The following TWIST2 variants were observed in gnomAD, a reference collection of about 807,000 sequenced individuals.
TWIST2 encodes twist family bHLH transcription factor 2.
A neutral mutation model predicts 11.6 loss-of-function variants in TWIST2; 1 was observed. The ratio of observed to expected loss-of-function variants is 0.09; its 90% CI spans 0.03 to 0.41. The LOEUF is 0.41. Ranked by LOEUF, TWIST2 falls within the 10% of genes least tolerant of loss-of-function variation. The pLI is 0.98. For synonymous variants in TWIST2, 87 were observed against 96.6 expected, an observed-to-expected ratio of 0.90 and a Z score of 0.58; for missense variants, 168 against 226.4, an observed-to-expected ratio of 0.74 and a Z score of 1.66.
intron 1 of TWIST2, among the ~76,000 whole-genome samples, chr2:238,888,012 G>A (rs1259368020): frequency 6.6e-6 from 1 of 152,196 alleles, no homozygotes; most frequent in Non-Finnish European, 1.5e-5. Flanking sequence ...CATGTGAAAC[G>A]GGTGGGCCAT....
intron 1 of TWIST2, among the ~76,000 whole-genome samples, chr2:238,865,545 T>A (rs897500971): frequency 2.6e-5 from 4 of 152,268 alleles, no homozygotes; most frequent in African/African-American, 9.6e-5. Context: ...AGCCTCTGGG[T>A]CCAGAAGTGA....
At chr2:238,862,964 T>G (rs1692459369) in intron 1 of TWIST2, among the ~76,000 whole-genome samples, 1 of 152,148 alleles carries the variant, frequency 6.6e-6, no homozygotes, top group African/African-American at 2.4e-5. Context: ...ACGGGTGTGT[T>G]TGTCTGGAGA....
intron 1 of TWIST2, among the ~76,000 whole-genome samples, chr2:238,849,405 G>A (rs926097459): frequency 6.6e-6 from 1 of 152,242 alleles, no homozygotes; most frequent in Non-Finnish European, 1.5e-5. Context: ...GGGTGTGCCC[G>A]AGAAGGGCCC....
intron 1 of TWIST2, among the ~76,000 whole-genome samples, chr2:238,881,392 T>C (rs1435803758): frequency 6.6e-6 from 1 of 151,340 alleles, no homozygotes; most frequent in Non-Finnish European, 1.5e-5. Context: ...TATTAGTTAC[T>C]ATTTATTAGT....
Position 238,864,431 on chromosome 2 carries a change from T to C in TWIST2, c.*35+15698T>C, listed in dbSNP as rs1348268894. 6.6e-6 allele frequency among the ~76,000 whole-genome samples: 1 copy of C among 152,094 alleles called. No individual in the cohort carries two copies. Among genetic ancestry groups the C allele is most frequent in the Non-Finnish European group, 1.5e-5 (1 of 68,022 alleles). ...CAGGAGTGACTCAGAGCCGTGGCTT[T>C]TTGTCCTCTGGCTGTGCAAATAAAC... On this transcript the variant is annotated intron_variant, in intron 1 of 1. Coordinates refer to ENST00000612363, the MANE Select transcript of TWIST2 (RefSeq NM_001271893.4). The surrounding 1 kb of genome is among the most constrained non-coding windows in gnomAD (Gnocchi z 4.7).
At chr2:238,865,853 C>A (rs770991237) in intron 1 of TWIST2, among the ~76,000 whole-genome samples, 1 of 152,180 alleles carries the variant, frequency 6.6e-6, no homozygotes, top group Admixed American at 6.5e-5. Flanking sequence ...GCGATGTCAC[C>A]TTGTGTGGTG....
intron 1 of TWIST2, among the ~76,000 whole-genome samples, chr2:238,874,654 G>T (rs560208995): frequency 3.9e-5 from 6 of 152,186 alleles, no homozygotes; most frequent in Non-Finnish European, 8.8e-5. Context: ...GAAAAGGCCT[G>T]GAGGAGTTTC....
At chr2:238,890,363 A>G (rs34021385) in intron 1 of TWIST2, among the ~76,000 whole-genome samples, 21,976 of 152,262 alleles carry the variant, frequency 0.14, 2,144 homozygotes, top group Non-Finnish European at 0.22. Context: ...AGCCTGGGTG[A>G]AAGTCCGGCA....
chr2:238,848,934 C>G (rs1359508600), intron 1 of TWIST2, among the ~76,000 whole-genome samples: 1 of 152,256 alleles, frequency 6.6e-6, no homozygotes. Context: ...GTGCAGACTT[C>G]CACGCGAGGG....
chr2:238,849,626 CAG>C (rs1692207301), intron 1 of TWIST2, among the ~76,000 whole-genome samples: 1 of 152,208 alleles, frequency 6.6e-6, no homozygotes, highest in Non-Finnish European at 1.5e-5. Context: ...GTCTGGGGGA[CAG>C]GGAGGCTGTG....
chr2:238,859,948 A>G (rs2106351914), intron 1 of TWIST2, among the ~76,000 whole-genome samples: 2 of 152,236 alleles, frequency 1.3e-5, no homozygotes, highest in South Asian at 4.2e-4. Context: ...AGAGGGATTC[A>G]CGCTAAGCCT....
At chr2:238,865,624 A>G (rs1250747544) in intron 1 of TWIST2, among the ~76,000 whole-genome samples, 1 of 151,902 alleles carries the variant, frequency 6.6e-6, no homozygotes, top group Non-Finnish European at 1.5e-5. Flanking sequence ...GCCCAGCCAC[A>G]TGCCTGCAGG....
chr2:238,873,144 G>T (rs540023072), intron 1 of TWIST2, among the ~76,000 whole-genome samples: 1 of 152,302 alleles, frequency 6.6e-6, no homozygotes, highest in Admixed American at 6.5e-5. Context: ...GACACAGTAG[G>T]GAGGCCAGAC....
intron 1 of TWIST2, among the ~76,000 whole-genome samples, chr2:238,889,609 A>T (rs1321892360): frequency 6.6e-6 from 1 of 152,224 alleles, no homozygotes; most frequent in Non-Finnish European, 1.5e-5. Context: ...CTCATCTCAA[A>T]TAAAATTATA....
intron 1 of TWIST2, among the ~76,000 whole-genome samples, chr2:238,887,405 G>A (rs1396705170): frequency 2.0e-5 from 3 of 152,082 alleles, no homozygotes; most frequent in African/African-American, 7.2e-5. Context: ...CTGGTGCCCT[G>A]GGCATGTTTA....
At chr2:238,902,716 GAT>G (rs1454024899) in intron 1 of TWIST2, among the ~76,000 whole-genome samples, 7,563 of 128,756 alleles carry the variant, frequency 0.059, 339 homozygotes, top group East Asian at 0.12. Flanking sequence ...AGGTGTGTGT[GAT>G]GTGTGTGTGA....
intron 1 of TWIST2, among the ~76,000 whole-genome samples, chr2:238,853,802 T>C (rs946362580): frequency 2.0e-5 from 3 of 152,206 alleles, no homozygotes; most frequent in African/African-American, 7.2e-5. Context: ...TAGTTAAAAA[T>C]AGAGTCATTT....
chr2:238,906,216 G>A (rs1036725555), intron 1 of TWIST2, among the ~76,000 whole-genome samples: 1 of 151,834 alleles, frequency 6.6e-6, no homozygotes, highest in East Asian at 1.9e-4. Context: ...AGACACCCAC[G>A]CCCACAGGGA....
chr2:238,863,342 A>G lies in TWIST2; in HGVS notation c.*35+14609A>G, dbSNP rs1692467225. On this transcript the variant is annotated intron_variant, in intron 1 of 1. Transcript: ENST00000612363. This position sits in a 1 kb window ranked among gnomAD's most constrained non-coding sequence, Gnocchi z 4.7. ...AGAATATATTTTTGTATCTTCTGCA[A>G]TCTACATTAAAGATGCCCGTCCATC... is the stretch of plus-strand genomic sequence containing the variant. 1.3e-5 allele frequency among the ~76,000 whole-genome samples: 2 copies of G among 152,194 alleles called. No individual in the cohort carries two copies. The highest frequency in any genetic ancestry group is 2.4e-5 in the African/African-American group (1 of 41,454).
Sources: gnomAD v4.1 joint callset for allele counts (sites outside exome capture counted in the v4.1 genomes callset) on GRCh38, gnomAD v4.1.1 for gene constraint, Gnocchi (gnomAD v3.1) non-coding constraint, MANE v1.5 for transcripts, NCBI Gene and HGNC (gene_info 2026-07-23, HGNC 2026-07-21) for gene names.